The following SHISA9 variants were observed in gnomAD, a reference collection of about 807,000 sequenced individuals.
SHISA9 encodes the protein protein shisa-9.
Under a neutral mutation model 38.0 loss-of-function variants are expected in SHISA9, and 13 were observed. That is an observed-to-expected ratio of 0.34 (90% CI 0.22 to 0.54). SHISA9 has a LOEUF of 0.54. Among genes scored for constraint, SHISA9 ranks in the 20% least tolerant of loss-of-function variants. The pLI, the probability that SHISA9 is intolerant of heterozygous loss-of-function variation, is 0.91. For missense variants in SHISA9, 538 were observed against 575.8 expected (o/e 0.93, Z 0.67); for synonymous variants, 275 against 242.0 (o/e 1.14, Z -1.27).
At chr16:13,469,356 AAGAAAAGAAAAAGAAAG>A in the SHISA9 span, among the ~76,000 whole-genome samples, 541 of 125,730 alleles carry the variant, frequency 4.3e-3, 3 homozygotes, top group Middle Eastern at 0.02. Flanking sequence ...GAAAGAAAGA[AAGAAAAGAAAAAGAAAG>A]AAAGAAAGAA....
chr16:13,313,083 G>A, the SHISA9 span, among the ~76,000 whole-genome samples: 1 of 150,736 alleles, frequency 6.6e-6, no homozygotes, highest in African/African-American at 2.4e-5. Context: ...GTGAAACCCC[G>A]TCTCTACTAA....
the SHISA9 span, among the ~76,000 whole-genome samples, chr16:13,531,896 C>A: frequency 1.3e-5 from 2 of 152,192 alleles, no homozygotes; most frequent in East Asian, 3.9e-4. Flanking sequence ...AGTACTCGAG[C>A]ACTTTCATAC....
chr16:13,021,449 A>C (rs1453061620), intron 2 of SHISA9, among the ~76,000 whole-genome samples: 1 of 152,178 alleles, frequency 6.6e-6, no homozygotes, highest in Non-Finnish European at 1.5e-5. Flanking sequence ...TCTCCCATGC[A>C]TGGGGACAGG....
chr16:12,985,241 GTAAATAAATAAA>G (rs3075032), intron 2 of SHISA9, among the ~76,000 whole-genome samples: 53 of 149,068 alleles, frequency 3.6e-4, no homozygotes, highest in Admixed American at 2.3e-3. Flanking sequence ...AAATAAATAA[GTAAATAAATAAA>G]TAAATAAATA....
intron 2 of SHISA9, among the ~76,000 whole-genome samples, chr16:12,925,046 G>A (rs551278398): frequency 4.0e-5 from 6 of 148,448 alleles, no homozygotes; most frequent in South Asian, 2.2e-4. Flanking sequence ...CTATTGGTGC[G>A]AAAGTTGGCT....
intron 2 of SHISA9, among the ~76,000 whole-genome samples, chr16:12,917,605 G>A (rs2071274915): frequency 6.6e-6 from 1 of 152,076 alleles, no homozygotes; most frequent in African/African-American, 2.4e-5. Context: ...CTATGAGACT[G>A]GAGAAAAAAT....
intron 3 of SHISA9, among the ~76,000 whole-genome samples, chr16:13,207,291 C>G (rs1445877771): frequency 5.9e-5 from 9 of 152,222 alleles, no homozygotes; most frequent in Non-Finnish European, 1.3e-4. Flanking sequence ...AACAGAAATT[C>G]CTTGATTTTA....
the SHISA9 span, among the ~76,000 whole-genome samples, chr16:13,383,071 A>G: frequency 6.6e-6 from 1 of 152,216 alleles, no homozygotes; most frequent in East Asian, 1.9e-4. Flanking sequence ...ACCCTCATGG[A>G]ACTTACATTC....
In SHISA9 at chr16:12,955,517, C is replaced by CA. The variant is rs5815730; in HGVS notation, c.691+38713dup. Among the ~76,000 whole-genome samples, 978 of 149,160 alleles carry CA rather than the reference C, an allele frequency of 6.6e-3. 6 individuals carry two copies. The highest frequency in any genetic ancestry group is 0.014 in the African/African-American group (563 of 40,216). On this transcript the variant is annotated intron_variant, in intron 2 of 4. Coordinates refer to ENST00000558583, the MANE Select transcript of SHISA9 (RefSeq NM_001145204.3). ...CATGAGTTATTTATTTATTATAGGC[C>CA]AAAAAAAAAAATGTGAGCATGGTAC... is the stretch of plus-strand genomic sequence containing the variant.
At chr16:13,506,092 C>A in the SHISA9 span, among the ~76,000 whole-genome samples, 1 of 152,184 alleles carries the variant, frequency 6.6e-6, no homozygotes, top group Middle Eastern at 3.4e-3. Flanking sequence ...TTAGCTAAAC[C>A]CCAGATAAAA....
chr16:12,904,126 C>T (rs1287110737), intron 1 of SHISA9, among the ~76,000 whole-genome samples: 1 of 152,132 alleles, frequency 6.6e-6, no homozygotes, highest in African/African-American at 2.4e-5. Context: ...CCTTCCGCAA[C>T]CACAGGGTGG....
At chr16:13,016,984 T>A (rs1318534679) in intron 2 of SHISA9, among the ~76,000 whole-genome samples, 6 of 152,002 alleles carry the variant, frequency 3.9e-5, no homozygotes, top group African/African-American at 1.4e-4. Context: ...TGATCTCGGG[T>A]ACCTTTCTTC....
At chr16:12,914,636 A>T (rs2071230542) in intron 1 of SHISA9, among the ~76,000 whole-genome samples, 1 of 152,074 alleles carries the variant, frequency 6.6e-6, no homozygotes, top group African/African-American at 2.4e-5. Context: ...GCACTAGTCC[A>T]CGTAAAGTCC....
chr16:12,953,970 C>A (rs2071795081), intron 2 of SHISA9, among the ~76,000 whole-genome samples: 1 of 152,192 alleles, frequency 6.6e-6, no homozygotes, highest in Non-Finnish European at 1.5e-5. Context: ...CCCCTAAGAT[C>A]CAGTCACCTC....
chr16:13,423,040 A>G, the SHISA9 span, among the ~76,000 whole-genome samples: 1 of 152,198 alleles, frequency 6.6e-6, no homozygotes, highest in African/African-American at 2.4e-5. Context: ...TGCACAAATA[A>G]TTTAGTGTCT....
chr16:13,211,143 A>G (rs1452914610), intron 3 of SHISA9, among the ~76,000 whole-genome samples: 2 of 152,036 alleles, frequency 1.3e-5, no homozygotes, highest in Non-Finnish European at 2.9e-5. Context: ...CTAAAAATAC[A>G]AAAATTAGCC....
At chr16:13,129,759 G>A (rs142164742) in intron 2 of SHISA9, among the ~76,000 whole-genome samples, 1,872 of 152,196 alleles carry the variant, frequency 0.012, 24 homozygotes, top group South Asian at 0.023. Context: ...TTCAGCAGGG[G>A]AAGTCTGACC....
the SHISA9 span, among the ~76,000 whole-genome samples, chr16:13,412,239 G>A: frequency 6.6e-6 from 1 of 152,122 alleles, no homozygotes; most frequent in Non-Finnish European, 1.5e-5. Context: ...TTTCCAGACT[G>A]TCCACAGATG....
chr16:13,546,487 A>G, the SHISA9 span, among the ~76,000 whole-genome samples: 1 of 152,220 alleles, frequency 6.6e-6, no homozygotes, highest in Non-Finnish European at 1.5e-5. Flanking sequence ...TGCTGAGTGC[A>G]GTATTCTCAT....
Sources: gnomAD v4.1 joint callset for allele counts (sites outside exome capture counted in the v4.1 genomes callset) on GRCh38, gnomAD v4.1.1 for gene constraint, MANE v1.5 for transcripts, NCBI Gene and HGNC (gene_info 2026-07-23, HGNC 2026-07-21) for gene names.